Variants in RP1L1 observed in about 807,000 individuals in gnomAD.
RP1L1 encodes the protein RP1 like 1.
Under a neutral mutation model 15.7 loss-of-function variants are expected in RP1L1, and 27 were observed. The ratio of observed to expected loss-of-function variants is 1.72; its 90% CI spans 1.27 to 2.38. The LOEUF (loss-of-function observed/expected upper bound fraction) is 2.38, where lower values mean the gene tolerates loss of function less well. Ranked by LOEUF, RP1L1 falls within the 30% of genes most tolerant of loss-of-function variation. The probability of loss-of-function intolerance (pLI) is 0.00; values close to 1 mark genes in which losing one functional copy is unlikely to be tolerated. For synonymous variants in RP1L1, 1,813 were observed against 1,276.7 expected (o/e 1.42, Z -8.96); for missense variants, 4,798 against 3,075.9 (o/e 1.56, Z -13.24).
intron 1 of RP1L1, among the ~76,000 whole-genome samples, chr8:10,648,197 A>G (rs1798507717): frequency 6.6e-6 from 1 of 151,714 alleles, no homozygotes; most frequent in Non-Finnish European, 1.5e-5. Flanking sequence ...ATGCCTGGCT[A>G]TTTTTTATAT....
At chr8:10,616,052 G>A (rs1018451266) in intron 3 of RP1L1, among the ~76,000 whole-genome samples, 24 of 152,134 alleles carry the variant, frequency 1.6e-4, no homozygotes, top group African/African-American at 5.8e-4. Flanking sequence ...CTATAGGCAT[G>A]TGCCATTATG....
At position 10,610,434 on chromosome 8, in the gene RP1L1, T is replaced by G. The variant is rs886062582; in HGVS notation, c.3664A>C (p.Thr1222Pro). The stretch of plus-strand genomic sequence containing the variant: ...AGCTCTGTCCCCTGTGTCACCAGGG[T>G]GCCGTCCATGGCACAGGGTACGCTA... ...ESSVPCAMDG[T>P]LVTQGTELPL... is the part of the protein sequence containing the mutation. Residue 1222 changes from threonine (T) to proline (P), a missense_variant, in exon 4 of 4, where the codon ACC becomes CCC. By Grantham distance (38) the Thr-to-Pro change is conservative (BLOSUM62 -1). Coordinates refer to ENST00000382483, the MANE Select transcript of RP1L1 (RefSeq NM_178857.6). 6.2e-7 allele frequency: 1 copy of G among 1,613,718 alleles called. No homozygotes were observed. Among genetic ancestry groups the G allele is most frequent in the Non-Finnish European group, 8.5e-7 (1 of 1,180,032 alleles).
intron 3 of RP1L1, among the ~76,000 whole-genome samples, chr8:10,615,885 A>G (rs1451586404): frequency 2.0e-5 from 3 of 152,090 alleles, no homozygotes; most frequent in Non-Finnish European, 4.4e-5. Context: ...TTTAAATTCA[A>G]GATCTCTTAA....
chr8:10,608,018 G>C lies in RP1L1; in HGVS notation c.6080C>G (p.Pro2027Arg). 1.2e-6 allele frequency: 2 copies of C among 1,601,164 alleles called. No homozygotes were observed. Among genetic ancestry groups the C allele is most frequent in the Non-Finnish European group, 1.7e-6 (2 of 1,176,458 alleles). The part of the protein sequence containing the change: ...QPESDGVEAQ[P>R]KSEGEEAQEV... The stretch of plus-strand genomic sequence containing the variant: ...CTGGGCCTCTTCACCTTCTGACTTT[G>C]GCTGGGCCTCTACACCGTCTGACTC... The change falls in exon 4 of 4, where the codon CCA becomes CGA. Residue 2027 changes from proline (P) to arginine (R), a missense_variant. By Grantham distance (103) the Pro-to-Arg change is moderately radical (BLOSUM62 -2). Transcript: ENST00000382483.
chr8:10,622,389 C>T (rs1423574388), intron 2 of RP1L1, among the ~76,000 whole-genome samples: 3 of 150,760 alleles, frequency 2.0e-5, no homozygotes, highest in Admixed American at 6.6e-5. Flanking sequence ...TTACCGCATG[C>T]TCTCTAAATA....
chr8:10,606,726 T>C lies in RP1L1; in HGVS notation c.*169A>G. Reference sequence around the variant, plus strand: ...GCAGAGCTCTCTGACACTTCTGGACTTAAGAGTCCCAGGACAGCATGGCAT... The same window carrying C: ...GCAGAGCTCTCTGACACTTCTGGACCTAAGAGTCCCAGGACAGCATGGCAT... On this transcript the variant is annotated 3_prime_UTR_variant, in exon 4 of 4. Coordinates refer to ENST00000382483, the MANE Select transcript of RP1L1 (RefSeq NM_178857.6). 1.7e-6 allele frequency: 2 copies of C among 1,155,762 alleles called. No individual in the cohort carries two copies. The highest frequency in any genetic ancestry group is 3.2e-5 in the South Asian group (2 of 62,944). The allele number at this position is 1,155,762 out of a possible 1,614,324, so 71.6% of individuals were successfully genotyped here. A position where few individuals can be genotyped will look rare whatever the true frequency, so the allele number is the denominator to read the frequency against.
In RP1L1 at chr8:10,610,040, T is replaced by G. The variant is rs747592079; in HGVS notation, c.4058A>C (p.Glu1353Ala). 6.8e-7 allele frequency: 1 copy of G among 1,468,802 alleles called. No homozygotes were observed. Among genetic ancestry groups the G allele is most frequent in the Non-Finnish European group, 9.1e-7 (1 of 1,096,410 alleles). The allele number at this position is 1,468,802 out of a possible 1,614,324, so 91.0% of individuals were successfully genotyped here. ...TTCTTCAATTTCCTCTAACTGCGCCTCTTCTTCTTGCTGTCCTTCTCCTTC... is the reference window on the plus strand; with the variant it reads ...TTCTTCAATTTCCTCTAACTGCGCCGCTTCTTCTTGCTGTCCTTCTCCTTC... ...ETEGEGQQEE[E>A]AQLEEIEETG... The change falls in exon 4 of 4, where the codon GAG becomes GCG. Residue 1353 changes from glutamate to alanine, a missense_variant. Physicochemically the swap from Glu to Ala is moderately radical, Grantham distance 107. Coordinates refer to ENST00000382483, the MANE Select transcript of RP1L1 (RefSeq NM_178857.6).
In RP1L1 at chr8:10,651,768, A is replaced by G. The variant is rs901287899; in HGVS notation, c.-20+3130T>C. On this transcript the variant is annotated intron_variant, in intron 1 of 3. Coordinates refer to ENST00000382483, the MANE Select transcript of RP1L1 (RefSeq NM_178857.6). ...GAGACTCCGTCTTAAAAAAAAAAAA[A>G]AAAAAAAAAGTTATGCTCAGAGCTG... Among the ~76,000 whole-genome samples the G allele has an allele frequency of 4.6e-5, 7 of 151,796 alleles. No individual in the cohort carries two copies. In the East Asian group the frequency reaches 1.4e-3, roughly 29 times the overall value.
At chr8:10,621,743 C>T (rs775021347) in intron 2 of RP1L1, 1 of 509,410 alleles carries the variant, frequency 2.0e-6, no homozygotes, top group East Asian at 5.5e-5. Flanking sequence ...ATTCTGCCGA[C>T]CTTTGGTGGA....
At chr8:10,635,203 G>A (rs190007627) in intron 1 of RP1L1, among the ~76,000 whole-genome samples, 1 of 152,306 alleles carries the variant, frequency 6.6e-6, no homozygotes, top group East Asian at 1.9e-4. Flanking sequence ...CCCGGGACCT[G>A]GCTTTCCCCT....
rs1348096234 is a variant in RP1L1 at position 10,609,530 on chromosome 8, A to G, written c.4568T>C (p.Leu1523Pro). 1 of 1,607,386 alleles carries G rather than the reference A, an allele frequency of 6.2e-7. No individual in the cohort carries two copies. Among genetic ancestry groups the G allele is most frequent in the African/African-American group, 1.3e-5 (1 of 74,872 alleles). Reference sequence around the variant, plus strand: ...CAGGAAGGCCTTCTCCGTCTTCTTCAGTAACACGGACACCCAGATGGGGTC... The same window carrying G: ...CAGGAAGGCCTTCTCCGTCTTCTTCGGTAACACGGACACCCAGATGGGGTC... ...DCDPIWVSVL[L>P]KKTEKAFLAH... The change falls in exon 4 of 4, where the codon CTG (leucine) becomes CCG (proline). Residue 1523 changes from leucine to proline, a missense_variant. Physicochemically the swap from Leu to Pro is moderately conservative, Grantham distance 98. Coordinates refer to ENST00000382483, the MANE Select transcript of RP1L1 (RefSeq NM_178857.6).
intron 1 of RP1L1, among the ~76,000 whole-genome samples, chr8:10,634,572 C>T (rs928133130): frequency 1.3e-5 from 2 of 152,196 alleles, no homozygotes; most frequent in Non-Finnish European, 2.9e-5. Flanking sequence ...CCACCCCCAG[C>T]GTTCCTGGCA....
At chr8:10,618,734 C>A (rs930587102) in intron 2 of RP1L1, among the ~76,000 whole-genome samples, 1 of 152,180 alleles carries the variant, frequency 6.6e-6, no homozygotes, top group Non-Finnish European at 1.5e-5. Context: ...ATAGTAATAT[C>A]AGCTACCTTG....
Position 10,607,300 on chromosome 8 carries a change from A to C in RP1L1, c.6798T>G (p.Ser2266=). ...CCTCAGGGACTGGGCTGCTGCTTTC[A>C]GAAGCCTCCTCAGATTGGCCATCTC... ...SLGDGQSEEA[S]ESSSPVPEDR... is the part of the protein sequence containing the mutation. Residue 2266 remains serine (S), a synonymous_variant, in exon 4 of 4, where the codon TCT becomes TCG. Coordinates refer to ENST00000382483, the MANE Select transcript of RP1L1 (RefSeq NM_178857.6). 6.2e-7 allele frequency: 1 copy of C among 1,614,244 alleles called. No homozygotes were observed. Among genetic ancestry groups the C allele is most frequent in the Non-Finnish European group, 8.5e-7 (1 of 1,180,034 alleles).
rs1426336729 is a variant in RP1L1, at chr8:10,622,618, T to C, written c.584A>G (p.Gln195Arg). 4 of 1,614,126 alleles carry C rather than the reference T, an allele frequency of 2.5e-6. No individual in the cohort carries two copies. Among genetic ancestry groups the C allele is most frequent in the African/African-American group, 2.7e-5 (2 of 74,946 alleles). ...CTTTTTCCCGCTGGTCGTGTACAAC[T>C]GCTTCACAGGAAAGCGCAGGAGATC... ...ASDLLRFPVK[Q>R]LYTTSGKKVD... The change falls in exon 2 of 4, where the codon CAG (glutamine) becomes CGG (arginine). Residue 195 changes from glutamine (Q) to arginine (R), a missense_variant. Coordinates refer to ENST00000382483, the MANE Select transcript of RP1L1 (RefSeq NM_178857.6).
rs773430949 is a variant in RP1L1 at position 10,609,556 on chromosome 8, G to A, written c.4542C>T (p.Cys1514=). The A allele has an allele frequency of 4.1e-5, 66 of 1,602,232 alleles. No individual in the cohort carries two copies. The Admixed American group carries it at 5.2e-4, about 13-fold the overall frequency. Residue 1514 remains cysteine (C), a synonymous_variant, in exon 4 of 4, where the codon TGC becomes TGT. Coordinates refer to ENST00000382483, the MANE Select transcript of RP1L1 (RefSeq NM_178857.6). The part of the protein sequence containing the change: ...SSVACSAALD[C]DPIWVSVLLK... ...GTAACACGGACACCCAGATGGGGTCGCAGTCCAGAGCCGCGCTGCAGGCCA... is the reference window on the plus strand; with the variant it reads ...GTAACACGGACACCCAGATGGGGTCACAGTCCAGAGCCGCGCTGCAGGCCA...
intron 2 of RP1L1, among the ~76,000 whole-genome samples, chr8:10,617,730 G>A (rs574571448): frequency 6.6e-6 from 1 of 151,720 alleles, no homozygotes; most frequent in Admixed American, 6.6e-5. Flanking sequence ...CTAATTTTTT[G>A]TATTTTTAGT....
intron 1 of RP1L1, among the ~76,000 whole-genome samples, chr8:10,640,139 G>A (rs1798385975): frequency 6.6e-6 from 1 of 152,184 alleles, no homozygotes; most frequent in Non-Finnish European, 1.5e-5. Flanking sequence ...GGGTGAGATT[G>A]ATAATGGCCT....
intron 2 of RP1L1, among the ~76,000 whole-genome samples, chr8:10,617,399 CAAAAAAA>C (rs369885056): frequency 0.2 from 16,971 of 83,162 alleles, 963 homozygotes; most frequent in South Asian, 0.47. Flanking sequence ...TGCTCATTAA[CAAAAAAA>C]AAAAAAAAAA....
Sources: allele counts gnomAD v4.1 joint callset (sites outside exome capture counted in the v4.1 genomes callset), GRCh38; gene constraint gnomAD v4.1.1; transcripts MANE v1.5; gene names NCBI Gene and HGNC (gene_info 2026-07-23, HGNC 2026-07-21).